Variants in DGCR2 observed in about 807,000 individuals in gnomAD.
DGCR2 encodes integral membrane protein DGCR2/IDD.
DGCR2 carries 24 observed loss-of-function variants against 51.6 expected under a neutral mutation model. The observed-to-expected ratio is 0.47, with a 90% confidence interval of 0.34 to 0.65. The LOEUF (loss-of-function observed/expected upper bound fraction) is 0.65. Among genes scored for constraint, DGCR2 ranks in the 30% least tolerant of loss-of-function variants. The pLI, the probability that DGCR2 is intolerant of heterozygous loss-of-function variation, is 0.01. For missense variants in DGCR2, 765 were observed against 772.1 expected, an observed-to-expected ratio of 0.99 and a Z score of 0.11; for synonymous variants, 340 against 315.4, an observed-to-expected ratio of 1.08 and a Z score of -0.82.
chr22:19,038,825 G>C lies in DGCR2; in HGVS notation c.*40C>G, dbSNP rs2082398940. The C allele has an allele frequency of 5.0e-6, 8 of 1,593,142 alleles. No individual in the cohort carries two copies. The highest frequency in any genetic ancestry group is 1.3e-5 in the African/African-American group (1 of 74,490). ...CCAGGGACCGGTGTTTTCTACAACA[G>C]ACAGGTGCTCCCAGACCGTTGGGGT... On this transcript the variant is annotated 3_prime_UTR_variant, in exon 10 of 10. Coordinates refer to ENST00000263196, the MANE Select transcript of DGCR2 (RefSeq NM_005137.3).
chr22:19,084,438 G>A (rs1434581887), intron 2 of DGCR2, among the ~76,000 whole-genome samples: 3 of 148,434 alleles, frequency 2.0e-5, no homozygotes, highest in Non-Finnish European at 3.0e-5. Flanking sequence ...GAGCCCCTCC[G>A]CCCGGCAGCC....
intron 1 of DGCR2, among the ~76,000 whole-genome samples, chr22:19,120,043 T>C (rs1018733423): frequency 3.3e-5 from 5 of 152,046 alleles, no homozygotes; most frequent in Admixed American, 2.6e-4. Flanking sequence ...CCTGCAGCAC[T>C]CTCAGGAAGG....
intron 2 of DGCR2, among the ~76,000 whole-genome samples, chr22:19,085,882 C>T (rs1424236007): frequency 6.6e-6 from 1 of 152,148 alleles, no homozygotes; most frequent in Non-Finnish European, 1.5e-5. Flanking sequence ...AAACTCTCCT[C>T]ATACAAAGGA....
chr22:19,048,559 C>T lies in DGCR2; in HGVS notation c.887G>A (p.Cys296Tyr). The change falls in exon 7 of 10, where the codon TGC becomes TAC. Residue 296 changes from cysteine (C) to tyrosine (Y), a missense_variant. This residue lies in a region of DGCR2 where 190 missense variants were observed against 265.2 expected (regional missense o/e 0.72). Coordinates refer to ENST00000263196, the MANE Select transcript of DGCR2 (RefSeq NM_005137.3). ...TPKGDDPCLSCTCHGGEPEMC... is the reference protein window; with the variant it reads ...TPKGDDPCLSYTCHGGEPEMC... ...CTCAGGCTCCCCTCCATGGCAGGTG[C>T]AGCTCAGGCATGGGTCGTCCCCCTT... 1 of 1,614,230 alleles carries T rather than the reference C, an allele frequency of 6.2e-7. No individual in the cohort carries two copies. The highest frequency in any genetic ancestry group is 2.2e-5 in the East Asian group (1 of 44,884).
At chr22:19,063,658 A>G (rs1029113769) in intron 4 of DGCR2, among the ~76,000 whole-genome samples, 2 of 151,974 alleles carry the variant, frequency 1.3e-5, no homozygotes, top group Non-Finnish European at 2.9e-5. Context: ...CACAACACTG[A>G]GCTTCTAACA....
chr22:19,041,799 G>C lies in DGCR2; in HGVS notation c.1159+8C>G. On this transcript the variant is annotated splice_region_variant and intron_variant, in intron 8 of 9. Transcript: ENST00000263196. ...GGACCAGGGTTGTGGCCCTCAGAGG[G>C]CACTTACAGTTTGCTCCAATCAGGG... 6.2e-7 allele frequency: 1 copy of C among 1,610,822 alleles called. No homozygotes were observed. Among genetic ancestry groups the C allele is most frequent in the Non-Finnish European group, 8.5e-7 (1 of 1,179,186 alleles).
chr22:19,063,305 G>C (rs773679710), intron 4 of DGCR2, 27 bp from the exon 5 acceptor site: 9 of 1,605,306 alleles, frequency 5.6e-6, no homozygotes, highest in Non-Finnish European at 7.7e-6. Context: ...CAGAGACAGA[G>C]ATCTCAGCGG....
intron 2 of DGCR2, among the ~76,000 whole-genome samples, chr22:19,078,858 C>A (rs1220463503): frequency 6.6e-5 from 10 of 152,130 alleles, no homozygotes; most frequent in Admixed American, 6.6e-4. Flanking sequence ...GGTATCAGGG[C>A]ATGTTAGAGT....
intron 6 of DGCR2, among the ~76,000 whole-genome samples, chr22:19,053,810 A>G (rs1037908344): frequency 6.6e-6 from 1 of 152,268 alleles, no homozygotes; most frequent in African/African-American, 2.4e-5. Context: ...AAAGCTGGAC[A>G]ATATACAAGG....
intron 1 of DGCR2, among the ~76,000 whole-genome samples, chr22:19,092,104 T>C (rs1043478729): frequency 2.0e-5 from 3 of 150,766 alleles, no homozygotes; most frequent in African/African-American, 7.3e-5. Context: ...TCCCAACACT[T>C]TGGGAGATGA....
chr22:19,051,337 G>GCC (rs1441816351), intron 6 of DGCR2, among the ~76,000 whole-genome samples: 1 of 152,084 alleles, frequency 6.6e-6, no homozygotes, highest in Non-Finnish European at 1.5e-5. Flanking sequence ...AAGCTCACCT[G>GCC]AAGAGGATGA....
intron 5 of DGCR2, chr22:19,060,862 C>T (rs1416457383): frequency 1.9e-6 from 1 of 515,652 alleles, no homozygotes; most frequent in South Asian, 1.4e-5. Flanking sequence ...AGGAACCCTG[C>T]GGAAACGAGC....
At chr22:19,081,552 T>C (rs2082936688) in intron 2 of DGCR2, among the ~76,000 whole-genome samples, 6 of 152,220 alleles carry the variant, frequency 3.9e-5, no homozygotes, top group Non-Finnish European at 8.8e-5. Context: ...CCAAGACATG[T>C]ATCAATGGCA....
At chr22:19,102,713 G>T (rs1465195565) in intron 1 of DGCR2, among the ~76,000 whole-genome samples, 1 of 148,714 alleles carries the variant, frequency 6.7e-6, no homozygotes, top group Non-Finnish European at 1.5e-5. Flanking sequence ...AAAAAAAAAA[G>T]GTTAAAATGG....
At chr22:19,100,563 G>A (rs1201564634) in intron 1 of DGCR2, among the ~76,000 whole-genome samples, 1 of 151,950 alleles carries the variant, frequency 6.6e-6, no homozygotes, top group South Asian at 2.1e-4. Context: ...CTACTCGGGA[G>A]GCTGAGGCAG....
intron 5 of DGCR2, chr22:19,060,552 C>T: frequency 5.8e-6 from 1 of 172,136 alleles, no homozygotes; most frequent in South Asian, 1.1e-4. Context: ...AGGTAAATAT[C>T]AAGTATGACT....
chr22:19,104,234 T>C (rs2146039069), intron 1 of DGCR2, among the ~76,000 whole-genome samples: 1 of 152,264 alleles, frequency 6.6e-6, no homozygotes, highest in Non-Finnish European at 1.5e-5. Flanking sequence ...CAGAGACCCC[T>C]GGGCACACTT....
At chr22:19,094,291 G>A (rs556062564) in intron 1 of DGCR2, among the ~76,000 whole-genome samples, 163 of 152,280 alleles carry the variant, frequency 1.1e-3, no homozygotes, top group African/African-American at 3.6e-3. Context: ...AGATGGGTGC[G>A]GTGGCGGGCG....
intron 6 of DGCR2, among the ~76,000 whole-genome samples, chr22:19,050,622 A>G (rs932904767): frequency 1.3e-5 from 2 of 152,240 alleles, no homozygotes; most frequent in Non-Finnish European, 2.9e-5. Context: ...GCAATTGTAT[A>G]AAATAATATG....
Sources: allele counts gnomAD v4.1 joint callset (sites outside exome capture counted in the v4.1 genomes callset), GRCh38; gene constraint gnomAD v4.1.1; regional missense constraint gnomAD v4.1.1; transcripts MANE v1.5; gene names NCBI Gene and HGNC (gene_info 2026-07-23, HGNC 2026-07-21).